LRCH2: variants seen among roughly 807,000 people sequenced by gnomAD.
LRCH2 encodes the protein leucine rich repeats and calponin homology domain containing 2.
A neutral mutation model predicts 68.9 loss-of-function variants in LRCH2; 38 were observed. The ratio of observed to expected loss-of-function variants is 0.55; its 90% CI spans 0.43 to 0.72. The LOEUF (loss-of-function observed/expected upper bound fraction) is 0.72, where lower values mean the gene tolerates loss of function less well. Ranked by LOEUF, LRCH2 falls within the 30% of genes least tolerant of loss-of-function variation. The pLI is 0.00. For synonymous variants in LRCH2, 191 were observed against 208.1 expected, an observed-to-expected ratio of 0.92 and a Z score of 0.71; for missense variants, 528 against 572.9, an observed-to-expected ratio of 0.92 and a Z score of 0.80.
At chrX:115,141,757 C>A (rs781829584) in intron 14 of LRCH2, among the ~76,000 whole-genome samples, 1 of 107,145 alleles carries the variant, frequency 9.3e-6, no homozygotes, top group East Asian at 2.9e-4. Context: ...GCCTGTAGTC[C>A]CAGCTACTCA....
At chrX:115,231,119 C>T (rs2073149748) in intron 1 of LRCH2, among the ~76,000 whole-genome samples, 1 of 111,605 alleles carries the variant, frequency 9.0e-6, no homozygotes, top group Non-Finnish European at 1.9e-5. Flanking sequence ...CACCTCTCAC[C>T]TAGATTAACA....
At chrX:115,152,374 G>A (rs2072438818) in intron 12 of LRCH2, among the ~76,000 whole-genome samples, 1 of 111,974 alleles carries the variant, frequency 8.9e-6, no homozygotes, top group Non-Finnish European at 1.9e-5. Flanking sequence ...CACAATGTCT[G>A]TCATTTAATC....
intron 1 of LRCH2, among the ~76,000 whole-genome samples, chrX:115,203,636 T>C (rs1355297350): frequency 8.9e-6 from 1 of 112,479 alleles, no homozygotes; most frequent in Non-Finnish European, 1.9e-5. Flanking sequence ...CAAAATACAA[T>C]GGGGAAGTCA....
intron 3 of LRCH2, among the ~76,000 whole-genome samples, chrX:115,183,102 T>C (rs1380097531): frequency 2.7e-5 from 3 of 110,237 alleles, no homozygotes; most frequent in African/African-American, 6.6e-5. Flanking sequence ...TTGTCCACCA[T>C]TGAAAATATA....
intron 14 of LRCH2, among the ~76,000 whole-genome samples, chrX:115,139,744 C>T (rs1603033190): frequency 9.0e-6 from 1 of 111,427 alleles, no homozygotes; most frequent in East Asian, 2.8e-4. Context: ...TGCCCTGCCA[C>T]AGAGGGGAAC....
chrX:115,125,347 C>T (rs782102038), intron 16 of LRCH2, among the ~76,000 whole-genome samples: 41 of 97,936 alleles, frequency 4.2e-4, no homozygotes, highest in Middle Eastern at 5.3e-3. Flanking sequence ...GTGGAGGTTG[C>T]AGTGACCTGA....
At chrX:115,174,337 G>A (rs370305466) in intron 5 of LRCH2, among the ~76,000 whole-genome samples, 22 of 110,208 alleles carry the variant, frequency 2.0e-4, no homozygotes, top group Middle Eastern at 4.7e-3. Flanking sequence ...ATAACTGAAG[G>A]ATGGTACCGT....
At chrX:115,168,084 T>A (rs1289469159) in intron 6 of LRCH2, among the ~76,000 whole-genome samples, 1 of 111,941 alleles carries the variant, frequency 8.9e-6, no homozygotes, top group Non-Finnish European at 1.9e-5. Flanking sequence ...CACAAGGACA[T>A]ACAGTTATTA....
intron 1 of LRCH2, among the ~76,000 whole-genome samples, chrX:115,199,870 A>G (rs1203935030): frequency 8.9e-6 from 1 of 112,556 alleles, no homozygotes; most frequent in Non-Finnish European, 1.9e-5. Flanking sequence ...CACATGGAAC[A>G]TTCTCCAAGA....
intron 20 of LRCH2, among the ~76,000 whole-genome samples, chrX:115,117,164 C>A (rs1247446528): frequency 9.9e-5 from 11 of 111,589 alleles, no homozygotes; most frequent in African/African-American, 3.2e-4. Context: ...AGAAGATATA[C>A]AGGTGGCAAA....
At chrX:115,189,885 G>A (rs1167453090) in intron 1 of LRCH2, 1 of 1,163,586 alleles carries the variant, frequency 8.6e-7, no homozygotes, top group Non-Finnish European at 1.1e-6. Flanking sequence ...CGATGCCCAG[G>A]AAGCGCGGGC....
intron 2 of LRCH2, among the ~76,000 whole-genome samples, chrX:115,187,549 T>C (rs2072742554): frequency 8.9e-6 from 1 of 112,246 alleles, no homozygotes; most frequent in African/African-American, 3.2e-5. Flanking sequence ...TCTATGAATT[T>C]GGACAAATAG....
chrX:115,146,985 G>C (rs1556536545), intron 14 of LRCH2, among the ~76,000 whole-genome samples: 1 of 98,253 alleles, frequency 1.0e-5, no homozygotes, highest in African/African-American at 3.9e-5. Flanking sequence ...GAATAACCAT[G>C]ACAAATAATT....
intron 1 of LRCH2, chrX:115,190,960 GGAGGCCACTATGAGGAGAACC>G: frequency 8.6e-7 from 1 of 1,164,593 alleles, no homozygotes; most frequent in Non-Finnish European, 1.1e-6. Flanking sequence ...CTACGGAGTA[GGAGGCCACTATGAGGAGAACC>G]GAGGCCACTC....
chrX:115,132,238 C>G lies in LRCH2; in HGVS notation c.1696-2039G>C, dbSNP rs894565582. On this transcript the variant is annotated intron_variant, in intron 14 of 20. Coordinates refer to ENST00000317135, the MANE Select transcript of LRCH2 (RefSeq NM_020871.4). The stretch of plus-strand genomic sequence containing the variant: ...AGGTCTAACATTTAAGTCTTTAGTC[C>G]ATCTTGAATTAATTTTTGTATAAGG... Among the ~76,000 whole-genome samples, 49 of 111,517 alleles carry G rather than the reference C, an allele frequency of 4.4e-4. No homozygotes were observed. In the Admixed American group the frequency reaches 4.7e-3, roughly 11 times the overall value.
At chrX:115,228,949 T>A (rs2073136536) in intron 1 of LRCH2, among the ~76,000 whole-genome samples, 1 of 111,359 alleles carries the variant, frequency 9.0e-6, no homozygotes, top group Admixed American at 9.6e-5. Context: ...TTTCTAATGG[T>A]TATATTACTG....
chrX:115,191,457 C>T (rs1556559371), intron 1 of LRCH2: 3 of 1,147,053 alleles, frequency 2.6e-6, no homozygotes, highest in East Asian at 6.9e-5. Flanking sequence ...ACGAGGAGTA[C>T]CGAGGCCGCT....
intron 20 of LRCH2, among the ~76,000 whole-genome samples, chrX:115,114,827 A>C (rs1214535638): frequency 9.0e-6 from 1 of 111,054 alleles, no homozygotes; most frequent in African/African-American, 3.3e-5. Flanking sequence ...ACACAAAAAA[A>C]CTATTATAGA....
At chrX:115,138,034 T>C (rs2072304853) in intron 14 of LRCH2, among the ~76,000 whole-genome samples, 1 of 111,003 alleles carries the variant, frequency 9.0e-6, no homozygotes, top group Admixed American at 9.6e-5. Context: ...ATAATGGTAG[T>C]GTCAGGGCTC....
Sources: allele counts gnomAD v4.1 joint callset (sites outside exome capture counted in the v4.1 genomes callset), GRCh38; gene constraint gnomAD v4.1.1; transcripts MANE v1.5; gene names NCBI Gene and HGNC (gene_info 2026-07-23, HGNC 2026-07-21).